CDH13: variants seen among roughly 807,000 people sequenced by gnomAD.
The protein encoded by CDH13 is cadherin 13.
In CDH13, 24 loss-of-function variants were observed where a neutral mutation model predicts 63.8. The ratio of observed to expected loss-of-function variants is 0.38; its 90% CI spans 0.27 to 0.53. The LOEUF is 0.53. Ranked by LOEUF, CDH13 falls within the 20% of genes least tolerant of loss-of-function variation. The probability of loss-of-function intolerance (pLI) is 0.85; values close to 1 mark genes in which losing one functional copy is unlikely to be tolerated. For missense variants in CDH13, 1,049 were observed against 903.1 expected (o/e 1.16, Z -2.07); for synonymous variants, 503 against 355.3 (o/e 1.42, Z -4.67).
intron 3 of CDH13, among the ~76,000 whole-genome samples, chr16:83,122,529 A>T (rs1302669956): frequency 6.6e-6 from 1 of 152,198 alleles, no homozygotes; most frequent in Admixed American, 6.5e-5. Flanking sequence ...CCCACTGATC[A>T]TATAATAACA....
intron 7 of CDH13, among the ~76,000 whole-genome samples, chr16:83,594,777 A>T (rs979095178): frequency 3.3e-5 from 5 of 152,282 alleles, no homozygotes; most frequent in Non-Finnish European, 5.9e-5. Context: ...TGTTCTGTTA[A>T]ATGCATACCT....
At chr16:83,744,606 G>GGA (rs1490337774) in intron 10 of CDH13, among the ~76,000 whole-genome samples, 36 of 152,270 alleles carry the variant, frequency 2.4e-4, no homozygotes, top group Middle Eastern at 3.4e-3. Flanking sequence ...AACATTCCAG[G>GGA]GGACCGTGTG....
At position 82,660,601 on chromosome 16, in the gene CDH13, A is replaced by AG. The variant is rs146038196; in HGVS notation, c.45+33466dup. Among the ~76,000 whole-genome samples, 3,211 of 152,242 alleles carry AG rather than the reference A, an allele frequency of 0.021. 223 individuals are homozygous for AG. The East Asian group carries it at 0.24, about 11-fold the overall frequency. ...AAAGAAAGATGACAACCTAGGGCCC[A>AG]GGAGGGAAGCTTCCAGAAGGTTGAG... On this transcript the variant is annotated intron_variant, in intron 1 of 13. Coordinates refer to ENST00000567109, the MANE Select transcript of CDH13 (RefSeq NM_001257.5).
At chr16:83,117,109 C>A (rs928157263) in intron 3 of CDH13, among the ~76,000 whole-genome samples, 1 of 152,230 alleles carries the variant, frequency 6.6e-6, no homozygotes, top group Non-Finnish European at 1.5e-5. Flanking sequence ...TGAGTCTATT[C>A]TCCACAAAGC....
intron 3 of CDH13, among the ~76,000 whole-genome samples, chr16:83,084,902 G>C (rs773441353): frequency 4.6e-5 from 7 of 152,088 alleles, no homozygotes; most frequent in Non-Finnish European, 8.8e-5. Flanking sequence ...AAATAAAATA[G>C]GTTGAGTAAG....
At chr16:83,364,459 T>C (rs567246417) in intron 6 of CDH13, among the ~76,000 whole-genome samples, 4 of 152,214 alleles carry the variant, frequency 2.6e-5, no homozygotes, top group Admixed American at 2.0e-4. Context: ...GATAAGGACC[T>C]GAACCTAGTA....
intron 1 of CDH13, among the ~76,000 whole-genome samples, chr16:82,788,443 T>C (rs2036130322): frequency 6.6e-6 from 1 of 152,126 alleles, no homozygotes; most frequent in Non-Finnish European, 1.5e-5. Context: ...TTGGCACATG[T>C]TGGGCATTTT....
intron 7 of CDH13, among the ~76,000 whole-genome samples, chr16:83,562,983 A>G (rs1057002198): frequency 6.6e-6 from 1 of 152,214 alleles, no homozygotes; most frequent in Non-Finnish European, 1.5e-5. Flanking sequence ...CCCTTTGGAT[A>G]AGTCCCCTTT....
At chr16:82,913,696 C>G (rs2038883410) in intron 2 of CDH13, among the ~76,000 whole-genome samples, 1 of 152,092 alleles carries the variant, frequency 6.6e-6, no homozygotes, top group Non-Finnish European at 1.5e-5. Flanking sequence ...GGAGGGACCA[C>G]TGAGGTTTGT....
In CDH13 at chr16:83,077,447, C is replaced by T. The variant is rs916526397; in HGVS notation, c.366+45229C>T. On this transcript the variant is annotated intron_variant, in intron 3 of 13. Transcript: ENST00000567109. Reference sequence around the variant, plus strand: ...ACCTCAAGTGATCTGCCCACTTTGGCCTCCCAAAGTGCTGGGATTACAGGT... The same window carrying T: ...ACCTCAAGTGATCTGCCCACTTTGGTCTCCCAAAGTGCTGGGATTACAGGT... Among the ~76,000 whole-genome samples the T allele has an allele frequency of 9.9e-5, 15 of 151,984 alleles. No individual in the cohort carries two copies. The South Asian group carries it at 2.9e-3, about 29-fold the overall frequency.
At chr16:82,671,885 G>C (rs1242684304) in intron 1 of CDH13, among the ~76,000 whole-genome samples, 1 of 152,148 alleles carries the variant, frequency 6.6e-6, no homozygotes, top group Non-Finnish European at 1.5e-5. Flanking sequence ...TTGCGCACCT[G>C]AGAAGTGCCC....
intron 4 of CDH13, among the ~76,000 whole-genome samples, chr16:83,196,136 G>A (rs773951662): frequency 7.2e-5 from 11 of 152,112 alleles, no homozygotes; most frequent in Admixed American, 1.3e-4. Context: ...GGCACCTGTA[G>A]TGCCAGCTAC....
At chr16:83,721,136 G>C (rs1211075296) in intron 10 of CDH13, 2 of 152,230 alleles carry the variant, frequency 1.3e-5, no homozygotes, top group Non-Finnish European at 2.9e-5. Flanking sequence ...TGCTAGGGTT[G>C]GGTGGCCACA....
At chr16:82,639,023 C>CTTG (rs1909054277) in intron 1 of CDH13, among the ~76,000 whole-genome samples, 1 of 152,162 alleles carries the variant, frequency 6.6e-6, no homozygotes, top group African/African-American at 2.4e-5. Flanking sequence ...GAGTCATTTG[C>CTTG]TCAAGGCCAC....
chr16:83,002,762 G>T (rs142405850), intron 2 of CDH13, among the ~76,000 whole-genome samples: 1 of 152,142 alleles, frequency 6.6e-6, no homozygotes, highest in Non-Finnish European at 1.5e-5. Context: ...GGAATGTGCC[G>T]TGTAGGTATG....
At chr16:82,955,182 A>G (rs1002033203) in intron 2 of CDH13, among the ~76,000 whole-genome samples, 13 of 152,166 alleles carry the variant, frequency 8.5e-5, no homozygotes, top group African/African-American at 2.9e-4. Context: ...CTTTTGAGGA[A>G]CTGCCAGATT....
At chr16:83,541,630 G>A (rs1352456537) in intron 7 of CDH13, among the ~76,000 whole-genome samples, 2 of 152,158 alleles carry the variant, frequency 1.3e-5, no homozygotes, top group East Asian at 1.9e-4. Flanking sequence ...GACTCCAAAG[G>A]TCTAGAGGAA....
rs147277015 is a variant in CDH13, at chr16:83,553,172, G to A, written c.961-49282G>A. ...TTCAATGTAGCATTTTACGGTATTC[G>A]GTGGAAACTCTAATGTAAGTTCGGA... On this transcript the variant is annotated intron_variant, in intron 7 of 13. Coordinates refer to ENST00000567109, the MANE Select transcript of CDH13 (RefSeq NM_001257.5). Among the ~76,000 whole-genome samples the A allele has an allele frequency of 5.5e-4, 84 of 152,132 alleles. 1 individual carries two copies. The East Asian group carries it at 6.6e-3, about 12-fold the overall frequency.
chr16:82,867,012 G>T (rs1426503342), intron 2 of CDH13, among the ~76,000 whole-genome samples: 1 of 152,240 alleles, frequency 6.6e-6, no homozygotes, highest in Non-Finnish European at 1.5e-5. Context: ...AAGCTTCTGT[G>T]AGTGTGGACA....
Sources: allele counts gnomAD v4.1 joint callset (sites outside exome capture counted in the v4.1 genomes callset), GRCh38; gene constraint gnomAD v4.1.1; transcripts MANE v1.5; gene names NCBI Gene and HGNC (gene_info 2026-07-23, HGNC 2026-07-21).